MCM9: variants seen among roughly 807,000 people sequenced by gnomAD.
MCM9 encodes minichromosome maintenance 9 homologous recombination repair factor.
MCM9 carries 55 observed loss-of-function variants against 72.8 expected under a neutral mutation model. The ratio of observed to expected loss-of-function variants is 0.76; its 90% CI spans 0.61 to 0.95. The LOEUF is 0.95. Among genes scored for constraint, MCM9 ranks in the 40% least tolerant of loss-of-function variants. The probability of loss-of-function intolerance (pLI) is 0.00; values close to 1 mark genes in which losing one functional copy is unlikely to be tolerated. For synonymous variants in MCM9, 480 were observed against 503.4 expected (o/e 0.95, Z 0.62); for missense variants, 1,279 against 1,377.0 (o/e 0.93, Z 1.13).
In MCM9 at chr6:118,846,448, G is replaced by A. The variant is rs142917047; in HGVS notation, c.1325+9923C>T. Among the ~76,000 whole-genome samples the A allele has an allele frequency of 1.9e-3, 285 of 151,910 alleles. 6 individuals are homozygous for A. The highest frequency in any genetic ancestry group is 0.01 in the Middle Eastern group (3 of 294). On this transcript the variant is annotated intron_variant, in intron 9 of 13. Transcript: ENST00000619706. Reference sequence around the variant, plus strand: ...GAACACAGATAAAATGCCAGGAGGAGGAGAGAATCCCATGTAGAGTGGGGA... The same window carrying A: ...GAACACAGATAAAATGCCAGGAGGAAGAGAGAATCCCATGTAGAGTGGGGA...
chr6:118,906,157 C>CT (rs1470939073), intron 8 of MCM9, among the ~76,000 whole-genome samples: 1 of 152,182 alleles, frequency 6.6e-6, no homozygotes, highest in East Asian at 1.9e-4. Flanking sequence ...ACTGCAACCT[C>CT]TGCCTCCTAG....
At chr6:118,819,763 G>T (rs1010520965) in intron 13 of MCM9, among the ~76,000 whole-genome samples, 2 of 152,060 alleles carry the variant, frequency 1.3e-5, no homozygotes, top group Admixed American at 1.3e-4. Flanking sequence ...ACTTTTTTTG[G>T]TTGGTAGGCT....
intron 9 of MCM9, among the ~76,000 whole-genome samples, chr6:118,854,225 A>T (rs1020184367): frequency 6.6e-6 from 1 of 152,094 alleles, no homozygotes; most frequent in Non-Finnish European, 1.5e-5. Flanking sequence ...TCTTTTTCTT[A>T]CTAAACTGAC....
chr6:118,832,132 C>T (rs1774603113), intron 9 of MCM9, among the ~76,000 whole-genome samples: 1 of 152,196 alleles, frequency 6.6e-6, no homozygotes, highest in Admixed American at 6.5e-5. Flanking sequence ...GCAATTACAG[C>T]TCACTACAAC....
intron 8 of MCM9, among the ~76,000 whole-genome samples, chr6:118,873,060 T>A (rs1252225791): frequency 6.6e-6 from 1 of 151,644 alleles, no homozygotes; most frequent in Non-Finnish European, 1.5e-5. Context: ...TAGTGTCAGC[T>A]ACTCAGGAGG....
At chr6:118,894,587 G>A (rs1779214362) in intron 8 of MCM9, 7 of 1,355,038 alleles carry the variant, frequency 5.2e-6, no homozygotes, top group Non-Finnish European at 6.1e-6. Context: ...AGTTTCCCGG[G>A]CCGGGCCTCG....
rs542131134 is a variant in MCM9, at chr6:118,930,174, G to A, written c.304+1246C>T. On this transcript the variant is annotated intron_variant, in intron 3 of 13. Transcript: ENST00000619706. ...TGCCCAGGCTGGAGTGCAATGGCGC[G>A]ATCTCGGCTCACTGCAAGCTCCGCC... 1.1e-4 allele frequency among the ~76,000 whole-genome samples: 17 copies of A among 152,080 alleles called. No individual in the cohort carries two copies. In the South Asian group the frequency reaches 1.7e-3, roughly 15 times the overall value.
chr6:118,867,648 G>A (rs572744472), intron 8 of MCM9, among the ~76,000 whole-genome samples: 215 of 152,168 alleles, frequency 1.4e-3, no homozygotes, highest in Admixed American at 3.5e-3. Flanking sequence ...CAGGTTTGTA[G>A]CCTAAGAGCA....
At position 118,913,275 on chromosome 6, in the gene MCM9, A is replaced by C. The variant is rs781142456; in HGVS notation, c.1030+20T>G. On this transcript the variant is annotated intron_variant, in intron 7 of 13. Transcript: ENST00000619706. ...CATCCATGTGTCAATATTACTCAAAATTTCTAAATAGGTACTAACCTCTGA... is the reference window on the plus strand; with the variant it reads ...CATCCATGTGTCAATATTACTCAAACTTTCTAAATAGGTACTAACCTCTGA... 5.0e-6 allele frequency: 8 copies of C among 1,611,514 alleles called. No individual in the cohort carries two copies. The highest frequency in any genetic ancestry group is 6.8e-6 in the Non-Finnish European group (8 of 1,179,234).
At chr6:118,901,225 C>T (rs979391669) in intron 8 of MCM9, among the ~76,000 whole-genome samples, 2 of 152,148 alleles carry the variant, frequency 1.3e-5, no homozygotes, top group African/African-American at 4.8e-5. Flanking sequence ...TGTCTAGCAA[C>T]CCAAAACATG....
intron 8 of MCM9, among the ~76,000 whole-genome samples, chr6:118,879,695 G>C (rs557089237): frequency 2.4e-4 from 36 of 151,382 alleles, no homozygotes; most frequent in African/African-American, 8.5e-4. Flanking sequence ...GCCAATTCTT[G>C]ATCTAGTGTT....
chr6:118,853,669 G>A (rs1776368742), intron 9 of MCM9, among the ~76,000 whole-genome samples: 2 of 152,148 alleles, frequency 1.3e-5, no homozygotes, highest in Non-Finnish European at 2.9e-5. Flanking sequence ...GCCAGGCATA[G>A]TGGTGCGTCC....
chr6:118,877,023 G>C (rs1262484010), intron 8 of MCM9, among the ~76,000 whole-genome samples: 1 of 152,132 alleles, frequency 6.6e-6, no homozygotes, highest in African/African-American at 2.4e-5. Context: ...AGACATTTCT[G>C]ACTTGTTTTC....
At chr6:118,894,594 C>T (rs2114479473) in intron 8 of MCM9, 1 of 1,317,302 alleles carries the variant, frequency 7.6e-7, no homozygotes, top group African/African-American at 1.5e-5. Context: ...CGGGCCGGGC[C>T]TCGCGCTGGG....
At position 118,816,307 on chromosome 6, in the gene MCM9, CAAAT is replaced by C. The variant is rs1245981112; in HGVS notation, c.1962-17_1962-14del. The C allele has an allele frequency of 6.7e-7, 1 of 1,492,336 alleles. No individual in the cohort carries two copies. The highest frequency in any genetic ancestry group is 8.9e-7 in the Non-Finnish European group (1 of 1,118,206). The allele number at this position is 1,492,336 out of a possible 1,614,324, so 92.4% of individuals were successfully genotyped here. On this transcript the variant is annotated splice_polypyrimidine_tract_variant and intron_variant, in intron 13 of 13. Transcript: ENST00000619706. Reference sequence around the variant, plus strand: ...CTGATTCTGTAACCTGTAGCAAAGACAAATAAATAAAACATGTCTTGAAGGGAAG... The same window carrying C: ...CTGATTCTGTAACCTGTAGCAAAGACAAATAAAACATGTCTTGAAGGGAAG...
At chr6:118,865,991 CCA>C (rs1191618503) in intron 8 of MCM9, among the ~76,000 whole-genome samples, 3 of 152,122 alleles carry the variant, frequency 2.0e-5, no homozygotes, top group Non-Finnish European at 4.4e-5. Context: ...AAATAGACAC[CCA>C]CATTCAGCTT....
chr6:118,894,256 C>T, intron 8 of MCM9: 6 of 1,455,240 alleles, frequency 4.1e-6, no homozygotes, highest in Non-Finnish European at 5.4e-6. Flanking sequence ...GGAGTGCTCC[C>T]GTGTAAATAA....
At chr6:118,883,433 CT>C (rs2114403499) in intron 8 of MCM9, among the ~76,000 whole-genome samples, 1 of 128,490 alleles carries the variant, frequency 7.8e-6, no homozygotes, top group Admixed American at 8.7e-5. Flanking sequence ...AAAAAAATGA[CT>C]GAAAACTCTC....
At chr6:118,930,322 C>T (rs1180168594) in intron 3 of MCM9, among the ~76,000 whole-genome samples, 1 of 152,070 alleles carries the variant, frequency 6.6e-6, no homozygotes, top group African/African-American at 2.4e-5. Context: ...CCGTGTTAGC[C>T]AGGATGGTCT....
Sources: gnomAD v4.1 joint callset for allele counts (sites outside exome capture counted in the v4.1 genomes callset) on GRCh38, gnomAD v4.1.1 for gene constraint, MANE v1.5 for transcripts, NCBI Gene and HGNC (gene_info 2026-07-23, HGNC 2026-07-21) for gene names.